PFKFB3: variants seen among roughly 807,000 people sequenced by gnomAD.
PFKFB3 encodes the protein 6-phosphofructo-2-kinase/fructose-2,6-biphosphatase 3, also known as 6-phosphofructo-2-kinase/fructose-2,6-bisphosphatase 3.
A neutral mutation model predicts 68.0 loss-of-function variants in PFKFB3; 33 were observed. The observed-to-expected ratio is 0.49, with a 90% CI of 0.37 to 0.65. The LOEUF is 0.65. Among genes scored for constraint, PFKFB3 ranks in the 30% least tolerant of loss-of-function variants. PFKFB3 has a pLI of 0.00. For missense variants in PFKFB3, 586 were observed against 712.2 expected (o/e 0.82, Z 2.02); for synonymous variants, 315 against 288.2 (o/e 1.09, Z -0.94).
At chr10:6,223,127 C>A (rs2131994426) in intron 11 of PFKFB3, 143 bp downstream of exon 11, 4 of 779,788 alleles carry the variant, frequency 5.1e-6, no homozygotes. Flanking sequence ...GGTGTCGGCT[C>A]CCGGCTGCTT....
the PFKFB3 span, chr10:6,293,679 TC>T: frequency 3.4e-6 from 1 of 290,850 alleles, no homozygotes; most frequent in Non-Finnish European, 7.2e-6. Flanking sequence ...AACCAACATG[TC>T]CAGTGCTATC....
chr10:6,203,839 A>G (rs1843503679), intron 1 of PFKFB3, among the ~76,000 whole-genome samples: 1 of 151,948 alleles, frequency 6.6e-6, no homozygotes, highest in South Asian at 2.1e-4. Flanking sequence ...CTTTCGATAT[A>G]TATGTCTCTG....
the PFKFB3 span, among the ~76,000 whole-genome samples, chr10:6,291,959 T>TG: frequency 6.8e-6 from 1 of 146,248 alleles, no homozygotes; most frequent in Non-Finnish European, 1.5e-5. Flanking sequence ...TTTTTTTTTT[T>TG]TTTTTTTTTT....
chr10:6,262,333 A>G, the PFKFB3 span, among the ~76,000 whole-genome samples: 2 of 144,104 alleles, frequency 1.4e-5, no homozygotes, highest in East Asian at 2.1e-4. Context: ...GGGTGCCTGT[A>G]GTCCCAGCTG....
At chr10:6,225,936 C>T (rs76717749) in intron 13 of PFKFB3, among the ~76,000 whole-genome samples, 11 of 152,278 alleles carry the variant, frequency 7.2e-5, no homozygotes, top group South Asian at 4.1e-4. Flanking sequence ...TTGCAAGCAC[C>T]GTGTTTGTCT....
chr10:6,242,010 T>C (rs1412848418), intron 14 of PFKFB3, among the ~76,000 whole-genome samples: 1 of 151,990 alleles, frequency 6.6e-6, no homozygotes, highest in African/African-American at 2.4e-5. Flanking sequence ...CATGTCCTGC[T>C]TAATTTTTAA....
the PFKFB3 span, among the ~76,000 whole-genome samples, chr10:6,274,860 G>T: frequency 6.6e-6 from 1 of 151,854 alleles, no homozygotes; most frequent in Admixed American, 6.6e-5. Context: ...AAACAAAACT[G>T]CAATAACCAT....
chr10:6,325,215 T>G, the PFKFB3 span, among the ~76,000 whole-genome samples: 2 of 152,102 alleles, frequency 1.3e-5, no homozygotes. Context: ...CTGTCTCCCT[T>G]GGCCTCCCAA....
Position 6,233,959 on chromosome 10 carries a change from C to T in PFKFB3, c.*1017C>T, listed in dbSNP as rs564752658. The stretch of plus-strand genomic sequence containing the variant: ...AAGGCCTCACTCGCAGCCACTTCTT[C>T]AAGAGCTGCCTGCACACTGTCTTGG... On this transcript the variant is annotated 3_prime_UTR_variant, in exon 15 of 15. Transcript: ENST00000379775. The T allele has an allele frequency of 6.6e-6, 1 of 152,524 alleles. No homozygotes were observed. Among genetic ancestry groups the T allele is most frequent in the South Asian group, 2.1e-4 (1 of 4,840 alleles). The allele number at this position is 152,524 out of a possible 1,614,324, so 9.4% of individuals were successfully genotyped here. A position where few individuals can be genotyped will look rare whatever the true frequency, so the allele number is the denominator to read the frequency against.
At chr10:6,226,480 T>C in intron 14 of PFKFB3, 115 bp downstream of exon 14, 3 of 951,846 alleles carry the variant, frequency 3.2e-6, no homozygotes, top group Non-Finnish European at 4.6e-6. Context: ...TGCGTGTGGG[T>C]GCGCGTGCGT....
chr10:6,196,639 C>T (rs1373325545), intron 1 of PFKFB3, among the ~76,000 whole-genome samples: 1 of 152,170 alleles, frequency 6.6e-6, no homozygotes, highest in Non-Finnish European at 1.5e-5. Flanking sequence ...TCTAGTCTTT[C>T]CACGGTCTTC....
intron 1 of PFKFB3, among the ~76,000 whole-genome samples, chr10:6,188,724 T>C (rs1842937509): frequency 1.3e-5 from 2 of 152,002 alleles, no homozygotes; most frequent in South Asian, 4.2e-4. Flanking sequence ...CTTGTGTAAG[T>C]GGAATCATAC....
the PFKFB3 span, among the ~76,000 whole-genome samples, chr10:6,270,478 C>A: frequency 6.6e-6 from 1 of 152,168 alleles, no homozygotes; most frequent in African/African-American, 2.4e-5. Context: ...CACAGCTCAC[C>A]GTGTCCTGGG....
rs1173085344 is a variant in PFKFB3, at chr10:6,154,525, G to A, written c.16+9512G>A. Among the ~76,000 whole-genome samples, 1 of 152,182 alleles carries A rather than the reference G, an allele frequency of 6.6e-6. No individual in the cohort carries two copies. The highest frequency in any genetic ancestry group is 1.9e-4 in the East Asian group (1 of 5,184). ...GGCCTTCCAAAGTGCTGGGATCATA[G>A]GCGCGAGCCACCGCGCCTGGTGGGC... On this transcript the variant is annotated intron_variant, in intron 1 of 14. Coordinates refer to the PFKFB3 transcript ENST00000379789. The surrounding 1 kb of genome is among the most constrained non-coding windows in gnomAD (Gnocchi z 4.6).
intron 1 of PFKFB3, among the ~76,000 whole-genome samples, chr10:6,183,879 A>G (rs142958895): frequency 0.015 from 2,260 of 150,744 alleles, 24 homozygotes; most frequent in Middle Eastern, 0.031. Context: ...TTTAGTAGAG[A>G]CGGGGTTTCA....
Position 6,215,104 on chromosome 10 carries a change from A to C in PFKFB3, c.203-117A>C, listed in dbSNP as rs1844473506. Reference sequence around the variant, plus strand: ...GCCGGCATTGCTTCCACACCATCTCATTCAAGTCGGTGTGGTTGGCCTGGT... The same window carrying C: ...GCCGGCATTGCTTCCACACCATCTCCTTCAAGTCGGTGTGGTTGGCCTGGT... On this transcript the variant is annotated intron_variant, in intron 2 of 14. Transcript: ENST00000379775. The surrounding 1 kb of genome is among the most constrained non-coding windows in gnomAD (Gnocchi z 4.3). 3.8e-6 allele frequency: 3 copies of C among 782,896 alleles called. No homozygotes were observed. Among genetic ancestry groups the C allele is most frequent in the Middle Eastern group, 2.3e-4 (1 of 4,362 alleles). The allele number at this position is 782,896 out of a possible 1,614,324, so 48.5% of individuals were successfully genotyped here.
At chr10:6,263,495 G>A in the PFKFB3 span, among the ~76,000 whole-genome samples, 1 of 152,114 alleles carries the variant, frequency 6.6e-6, no homozygotes, top group African/African-American at 2.4e-5. Context: ...ACACTGCCCA[G>A]GTGATGGTAA....
chr10:6,315,384 A>G, the PFKFB3 span, among the ~76,000 whole-genome samples: 1 of 152,324 alleles, frequency 6.6e-6, no homozygotes, highest in African/African-American at 2.4e-5. Context: ...TTTATTAAGA[A>G]CGTAAAGGCC....
At chr10:6,167,187 C>G (rs1842169821) in intron 1 of PFKFB3, among the ~76,000 whole-genome samples, 1 of 152,224 alleles carries the variant, frequency 6.6e-6, no homozygotes, top group South Asian at 2.1e-4. Context: ...ACAAGGCCAG[C>G]ATGGGACTCA....
Sources: allele counts gnomAD v4.1 joint callset (sites outside exome capture counted in the v4.1 genomes callset), GRCh38; gene constraint gnomAD v4.1.1; non-coding constraint Gnocchi (gnomAD v3.1); transcripts MANE v1.5; gene names NCBI Gene and HGNC (gene_info 2026-07-23, HGNC 2026-07-21).